FAM3C: variants seen among roughly 807,000 people sequenced by gnomAD.
The protein encoded by FAM3C is FAM3 metabolism regulating signaling molecule C, also known as protein FAM3C.
Under a neutral mutation model 32.5 loss-of-function variants are expected in FAM3C, and 15 were observed. The observed-to-expected ratio is 0.46, with a 90% CI of 0.31 to 0.71. FAM3C has a LOEUF of 0.71. Ranked by LOEUF, FAM3C falls within the 30% of genes least tolerant of loss-of-function variation. The pLI, the probability that FAM3C is intolerant of heterozygous loss-of-function variation, is 0.05. For missense variants in FAM3C, 175 were observed against 274.4 expected (o/e 0.64, Z 2.56); for synonymous variants, 75 against 86.1 (o/e 0.87, Z 0.72).
At chr7:121,359,110 G>T (rs1044808330) in intron 8 of FAM3C, among the ~76,000 whole-genome samples, 2 of 150,818 alleles carry the variant, frequency 1.3e-5, no homozygotes, top group African/African-American at 4.9e-5. Context: ...GAACTTCTGA[G>T]AAAAATATAA....
intron 1 of FAM3C, among the ~76,000 whole-genome samples, chr7:121,383,593 T>G (rs1270767978): frequency 2.0e-5 from 3 of 152,222 alleles, no homozygotes; most frequent in Non-Finnish European, 2.9e-5. Flanking sequence ...AGTACAGAAC[T>G]GCAATTTTAA....
At chr7:121,386,824 G>A (rs964581131) in intron 1 of FAM3C, among the ~76,000 whole-genome samples, 1 of 151,844 alleles carries the variant, frequency 6.6e-6, no homozygotes, top group Non-Finnish European at 1.5e-5. Context: ...AGAGAAAAAT[G>A]AGATAATACT....
At chr7:121,393,089 C>T (rs1047614778) in intron 1 of FAM3C, among the ~76,000 whole-genome samples, 4 of 152,100 alleles carry the variant, frequency 2.6e-5, no homozygotes, top group East Asian at 1.9e-4. Context: ...ATGGGGTTTC[C>T]TTTTGGGGTG....
intron 1 of FAM3C, among the ~76,000 whole-genome samples, chr7:121,392,333 G>A (rs988079060): frequency 3.9e-5 from 6 of 152,170 alleles, no homozygotes; most frequent in African/African-American, 1.4e-4. Flanking sequence ...TACAATCATG[G>A]AGGAAGGCTA....
intron 5 of FAM3C, among the ~76,000 whole-genome samples, chr7:121,370,958 G>A (rs1235427675): frequency 6.6e-6 from 1 of 152,122 alleles, no homozygotes; most frequent in African/African-American, 2.4e-5. Flanking sequence ...GTTAATTTAA[G>A]TGAATTAACT....
chr7:121,361,812 G>A (rs1664050621), intron 7 of FAM3C, among the ~76,000 whole-genome samples: 1 of 152,094 alleles, frequency 6.6e-6, no homozygotes, highest in South Asian at 2.1e-4. Flanking sequence ...AGGAGTAGCT[G>A]GAACTAAAGG....
chr7:121,380,092 G>C (rs1794318927), intron 2 of FAM3C: 1 of 152,136 alleles, frequency 6.6e-6, no homozygotes, highest in Admixed American at 6.5e-5. Context: ...TGTATACACT[G>C]ATACTATCAA....
intron 7 of FAM3C, among the ~76,000 whole-genome samples, chr7:121,360,782 C>T (rs1793903845): frequency 6.6e-6 from 1 of 152,094 alleles, no homozygotes; most frequent in African/African-American, 2.4e-5. Context: ...TTGCGGTGAG[C>T]TGAGATCACA....
intron 5 of FAM3C, among the ~76,000 whole-genome samples, chr7:121,365,691 T>G (rs1238135447): frequency 6.6e-6 from 1 of 152,042 alleles, no homozygotes; most frequent in Non-Finnish European, 1.5e-5. Flanking sequence ...TGAAAATAGT[T>G]TCAACATACC....
intron 5 of FAM3C, among the ~76,000 whole-genome samples, chr7:121,368,504 G>T (rs1250324131): frequency 6.6e-6 from 1 of 152,160 alleles, no homozygotes; most frequent in Non-Finnish European, 1.5e-5. Flanking sequence ...CAGTATGAAA[G>T]TGCTGTGGCA....
At position 121,383,004 on chromosome 7, in the gene FAM3C, TATG is replaced by T; in HGVS notation, c.-38_-36del. ...TTCAGTTTATGGCACTTTTCATTAA[TATG>T]CTCCTAAAAAATCAAAACAAAAAGC... On this transcript the variant is annotated 5_prime_UTR_variant, in exon 2 of 10. Transcript: ENST00000359943. 6.3e-7 allele frequency: 1 copy of T among 1,575,014 alleles called. No individual in the cohort carries two copies. Among genetic ancestry groups the T allele is most frequent in the Non-Finnish European group, 8.7e-7 (1 of 1,149,362 alleles).
At chr7:121,359,070 A>G (rs571470034) in intron 8 of FAM3C, among the ~76,000 whole-genome samples, 14 of 152,104 alleles carry the variant, frequency 9.2e-5, no homozygotes, top group African/African-American at 3.4e-4. Context: ...TTAAAATTGA[A>G]ACTTAAAAAA....
At chr7:121,370,540 T>C (rs1794125430) in intron 5 of FAM3C, among the ~76,000 whole-genome samples, 1 of 152,310 alleles carries the variant, frequency 6.6e-6, no homozygotes, top group South Asian at 2.1e-4. Context: ...AATAGCATAT[T>C]AAAAGCAACC....
At chr7:121,371,645 T>C (rs1794149651) in intron 4 of FAM3C, among the ~76,000 whole-genome samples, 1 of 152,140 alleles carries the variant, frequency 6.6e-6, no homozygotes, top group South Asian at 2.1e-4. Flanking sequence ...CACCAGATCT[T>C]CCTAGGAAAC....
chr7:121,380,352 C>T (rs1302632454), intron 2 of FAM3C: 1 of 151,912 alleles, frequency 6.6e-6, no homozygotes, highest in Non-Finnish European at 1.5e-5. Context: ...AAATTCTATA[C>T]CAAGCTAAAT....
chr7:121,349,180 A>G lies in FAM3C; in HGVS notation c.*1281T>C, dbSNP rs1240956671. 2 of 152,508 alleles carry G rather than the reference A, an allele frequency of 1.3e-5. 1 individual carries two copies. Among genetic ancestry groups the G allele is most frequent in the Admixed American group, 1.3e-4 (2 of 15,262 alleles). The allele number at this position is 152,508 out of a possible 1,614,324, so 9.4% of individuals were successfully genotyped here. A position where few individuals can be genotyped will look rare whatever the true frequency, so the allele number is the denominator to read the frequency against. On this transcript the variant is annotated 3_prime_UTR_variant, in exon 10 of 10. Transcript: ENST00000359943. ...AACTTGGTTTACAGCTAAATAACAG[A>G]TACTGCTTTTAGGTTTTTTTATACA...
At chr7:121,395,326 T>C (rs1018843744) in intron 1 of FAM3C, among the ~76,000 whole-genome samples, 3 of 151,894 alleles carry the variant, frequency 2.0e-5, no homozygotes, top group East Asian at 3.9e-4. Flanking sequence ...TACATATATA[T>C]ATATGGATAC....
At position 121,392,150 on chromosome 7, in the gene FAM3C, T is replaced by C. The variant is rs142487883; in HGVS notation, c.-42+4012A>G. Among the ~76,000 whole-genome samples the C allele has an allele frequency of 1.6e-3, 241 of 152,342 alleles. 1 individual carries two copies. Among genetic ancestry groups the C allele is most frequent in the Non-Finnish European group, 3.0e-3 (205 of 68,022 alleles). On this transcript the variant is annotated intron_variant, in intron 1 of 9. Transcript: ENST00000359943. ...GGTTTGGAGCTGCTCAATTCATGAA[T>C]TGTTTGTTCAAATAAACTCTAAAGA...
intron 1 of FAM3C, among the ~76,000 whole-genome samples, chr7:121,383,308 T>C (rs1794397712): frequency 6.6e-6 from 1 of 152,166 alleles, no homozygotes; most frequent in Admixed American, 6.5e-5. Flanking sequence ...ATTATGCATC[T>C]ATAAGAAACT....
Sources: gnomAD v4.1 joint callset for allele counts (sites outside exome capture counted in the v4.1 genomes callset) on GRCh38, gnomAD v4.1.1 for gene constraint, MANE v1.5 for transcripts, NCBI Gene and HGNC (gene_info 2026-07-23, HGNC 2026-07-21) for gene names.